Variants in LMNTD1 observed in about 807,000 individuals in gnomAD.
The protein encoded by LMNTD1 is lamin tail domain-containing protein 1.
A neutral mutation model predicts 50.9 loss-of-function variants in LMNTD1; 35 were observed. The ratio of observed to expected loss-of-function variants is 0.69; its 90% CI spans 0.53 to 0.91. The LOEUF (loss-of-function observed/expected upper bound fraction) is 0.91, where lower values mean the gene tolerates loss of function less well. Among genes scored for constraint, LMNTD1 ranks in the 40% least tolerant of loss-of-function variants. The pLI is 0.00. For synonymous variants in LMNTD1, 153 were observed against 161.9 expected (o/e 0.94, Z 0.42); for missense variants, 470 against 475.5 (o/e 0.99, Z 0.11).
intron 9 of LMNTD1, among the ~76,000 whole-genome samples, chr12:25,489,448 C>G (rs890719330): frequency 3.3e-5 from 5 of 150,112 alleles, no homozygotes; most frequent in African/African-American, 1.2e-4. Context: ...TGACCCCTTG[C>G]GCTTCCCAGG....
intron 6 of LMNTD1, among the ~76,000 whole-genome samples, chr12:25,524,416 A>T (rs1941565870): frequency 6.6e-6 from 1 of 152,140 alleles, no homozygotes; most frequent in African/African-American, 2.4e-5. Context: ...TGCTTACATC[A>T]CCCCACAGAA....
At chr12:25,637,031 G>C (rs1349680181) in intron 1 of LMNTD1, among the ~76,000 whole-genome samples, 1 of 152,008 alleles carries the variant, frequency 6.6e-6, no homozygotes, top group African/African-American at 2.4e-5. Flanking sequence ...TGCAGATATG[G>C]TACAGTGTAT....
intron 1 of LMNTD1, among the ~76,000 whole-genome samples, chr12:25,603,735 T>A (rs982193801): frequency 1.3e-5 from 2 of 152,020 alleles, no homozygotes; most frequent in African/African-American, 4.8e-5. Flanking sequence ...TAGGGCAGAA[T>A]AATAAGTGAC....
intron 1 of LMNTD1, among the ~76,000 whole-genome samples, chr12:25,573,690 T>C (rs957080159): frequency 6.6e-6 from 1 of 152,182 alleles, no homozygotes. Context: ...AATTGGCAAC[T>C]TGTAATGGGG....
chr12:25,552,361 G>A (rs1427951814), intron 2 of LMNTD1, among the ~76,000 whole-genome samples: 2 of 151,918 alleles, frequency 1.3e-5, no homozygotes, highest in African/African-American at 4.8e-5. Context: ...GCTCACGCTT[G>A]TAATCCCAGC....
intron 8 of LMNTD1, among the ~76,000 whole-genome samples, chr12:25,515,188 AT>A (rs5797138): frequency 1.3e-5 from 2 of 151,158 alleles, no homozygotes; most frequent in African/African-American, 4.9e-5. Context: ...GACTTGGTAA[AT>A]TTTTTTTTAA....
chr12:25,607,738 A>G (rs141740512), intron 1 of LMNTD1, among the ~76,000 whole-genome samples: 11,168 of 152,252 alleles, frequency 0.073, 714 homozygotes, highest in African/African-American at 0.17. Context: ...TTGGCTGAAG[A>G]GTGCTTTACT....
chr12:25,530,416 C>A (rs79074196), intron 4 of LMNTD1, among the ~76,000 whole-genome samples: 4,842 of 152,132 alleles, frequency 0.032, 182 homozygotes, highest in African/African-American at 0.095. Flanking sequence ...TTCTTTTAAA[C>A]GTTTCAATAA....
At chr12:25,495,797 G>A (rs1939043281) in intron 9 of LMNTD1, among the ~76,000 whole-genome samples, 1 of 152,106 alleles carries the variant, frequency 6.6e-6, no homozygotes, top group South Asian at 2.1e-4. Flanking sequence ...AATGCCCTGT[G>A]GTGATGTAAC....
At chr12:25,583,053 G>A (rs12822051) in intron 1 of LMNTD1, among the ~76,000 whole-genome samples, 24,660 of 147,576 alleles carry the variant, frequency 0.17, 2,427 homozygotes, top group East Asian at 0.35. Flanking sequence ...TCGATCTTTC[G>A]CCCAGGCTGG....
chr12:25,479,903 GGCCGTA>G (rs1189060307), intron 9 of LMNTD1, among the ~76,000 whole-genome samples: 1 of 152,254 alleles, frequency 6.6e-6, no homozygotes, highest in East Asian at 1.9e-4. Flanking sequence ...ACTCAGCAGT[GGCCGTA>G]GCCATGTCAG....
At chr12:25,528,385 T>G (rs1035265741) in intron 4 of LMNTD1, among the ~76,000 whole-genome samples, 2 of 152,232 alleles carry the variant, frequency 1.3e-5, no homozygotes, top group South Asian at 2.1e-4. Flanking sequence ...CTCAAATAGG[T>G]TTGACCTAAC....
At chr12:25,618,001 C>G (rs1946384020) in intron 1 of LMNTD1, among the ~76,000 whole-genome samples, 1 of 152,214 alleles carries the variant, frequency 6.6e-6, no homozygotes, top group African/African-American at 2.4e-5. Context: ...GATGTACAAG[C>G]TCACACAGCC....
chr12:25,624,885 A>G (rs1217132863), intron 1 of LMNTD1, among the ~76,000 whole-genome samples: 3 of 152,258 alleles, frequency 2.0e-5, no homozygotes, highest in African/African-American at 7.2e-5. Context: ...CAAGTATCCC[A>G]GCATTCACAA....
intron 4 of LMNTD1, among the ~76,000 whole-genome samples, chr12:25,530,071 A>AAATTT (rs1235885681): frequency 6.6e-6 from 1 of 152,154 alleles, no homozygotes; most frequent in Admixed American, 6.6e-5. Context: ...CATTGTATTT[A>AAATTT]AATTTGTTTT....
intron 5 of LMNTD1, 38 bp downstream of exon 5, chr12:25,526,731 A>G: frequency 7.0e-7 from 1 of 1,420,428 alleles, no homozygotes; most frequent in Non-Finnish European, 9.7e-7. Flanking sequence ...TTTGTCCTGT[A>G]CAATTCTAAT....
At chr12:25,614,166 G>A (rs1419378429) in intron 1 of LMNTD1, among the ~76,000 whole-genome samples, 1 of 152,108 alleles carries the variant, frequency 6.6e-6, no homozygotes, top group Non-Finnish European at 1.5e-5. Context: ...TGAAGGGTGG[G>A]GTAAGCGATG....
At chr12:25,495,568 G>A (rs1331392295) in intron 9 of LMNTD1, among the ~76,000 whole-genome samples, 1 of 152,108 alleles carries the variant, frequency 6.6e-6, no homozygotes, top group Non-Finnish European at 1.5e-5. Context: ...TAAGGCTGTT[G>A]AAACCTAAAA....
intron 1 of LMNTD1, among the ~76,000 whole-genome samples, chr12:25,643,778 C>A (rs945149539): frequency 6.6e-6 from 1 of 152,072 alleles, no homozygotes; most frequent in Non-Finnish European, 1.5e-5. Flanking sequence ...ATGGAAAGTG[C>A]CAGAGAAGTC....
Sources: gnomAD v4.1 joint callset for allele counts (sites outside exome capture counted in the v4.1 genomes callset) on GRCh38, gnomAD v4.1.1 for gene constraint, MANE v1.5 for transcripts, NCBI Gene and HGNC (gene_info 2026-07-23, HGNC 2026-07-21) for gene names.